CELF2: variants seen among roughly 807,000 people sequenced by gnomAD.
CELF2 encodes CUGBP Elav-like family member 2.
Under a neutral mutation model 62.6 loss-of-function variants are expected in CELF2, and 8 were observed. The observed-to-expected ratio is 0.13, with a 90% CI of 0.07 to 0.23. The LOEUF is 0.23. Ranked by LOEUF, CELF2 falls within the 10% of genes least tolerant of loss-of-function variation. The pLI, the probability that CELF2 is intolerant of heterozygous loss-of-function variation, is 1.00. For missense variants in CELF2, 333 were observed against 671.0 expected (o/e 0.50, Z 5.56); for synonymous variants, 258 against 250.0 (o/e 1.03, Z -0.30).
rs1482450383 is a variant in CELF2 at position 10,928,099 on chromosome 10, A to G, written c.89+8100A>G. ...AAGTTCTCCTTTCACCACCCTATTA[A>G]GTAACCCCCCAACACACTTCCTATC... On this transcript the variant is annotated intron_variant, in intron 2 of 13. Coordinates refer to the CELF2 transcript ENST00000636488. The surrounding 1 kb of genome is among the most constrained non-coding windows in gnomAD (Gnocchi z 4.8). Among the ~76,000 whole-genome samples the G allele has an allele frequency of 6.6e-6, 1 of 152,078 alleles. No homozygotes were observed. The highest frequency in any genetic ancestry group is 1.5e-5 in the Non-Finnish European group (1 of 68,022).
intron 2 of CELF2, among the ~76,000 whole-genome samples, chr10:10,969,154 G>A (rs2050480522): frequency 6.6e-6 from 1 of 152,196 alleles, no homozygotes. Flanking sequence ...CTACTCAGGA[G>A]GCTGAGGCAA....
At chr10:10,544,886 A>G in the CELF2 span, among the ~76,000 whole-genome samples, 1,560 of 152,334 alleles carry the variant, frequency 0.01, 19 homozygotes, top group African/African-American at 0.036. Context: ...TTGATATTCT[A>G]TAGGCAAAAT....
intron 8 of CELF2, among the ~76,000 whole-genome samples, chr10:11,278,647 A>G (rs1288653453): frequency 6.6e-6 from 1 of 152,240 alleles, no homozygotes; most frequent in Non-Finnish European, 1.5e-5. Context: ...TCCTTTTAAA[A>G]ATCATGCAGC....
At chr10:11,184,744 A>G (rs2074372554) in intron 2 of CELF2, among the ~76,000 whole-genome samples, 1 of 152,222 alleles carries the variant, frequency 6.6e-6, no homozygotes, top group African/African-American at 2.4e-5. Flanking sequence ...TGTATTGATT[A>G]TGTATCCTAC....
At position 11,335,816 on chromosome 10, in the gene CELF2, T is replaced by C. The variant is rs189965462; in HGVS notation, c.*6763T>C. On this transcript the variant is annotated 3_prime_UTR_variant, in exon 13 of 13. Coordinates refer to ENST00000633077, the MANE Select transcript of CELF2 (RefSeq NM_001326342.2). The surrounding 1 kb of genome is among the most constrained non-coding windows in gnomAD (Gnocchi z 5.0). ...CTATAAGTACATAGTTCCACCATTTTGGCACAAGACAAAATACTCATGCTA... is the reference window on the plus strand; with the variant it reads ...CTATAAGTACATAGTTCCACCATTTCGGCACAAGACAAAATACTCATGCTA... 6.6e-6 allele frequency: 1 copy of C among 152,350 alleles called. No individual in the cohort carries two copies. The highest frequency in any genetic ancestry group is 1.9e-4 in the East Asian group (1 of 5,192). The allele number at this position is 152,350 out of a possible 1,614,324, so 9.4% of individuals were successfully genotyped here. A position where few individuals can be genotyped will look rare whatever the true frequency, so the allele number is the denominator to read the frequency against.
intron 2 of CELF2, among the ~76,000 whole-genome samples, chr10:10,969,396 C>T (rs1176517320): frequency 6.6e-6 from 1 of 152,124 alleles, no homozygotes. Flanking sequence ...GAAGGGCTTC[C>T]AGTAGATGGA....
chr10:11,059,133 T>G (rs935326840), intron 1 of CELF2, among the ~76,000 whole-genome samples: 1 of 152,216 alleles, frequency 6.6e-6, no homozygotes, highest in Non-Finnish European at 1.5e-5. Context: ...AAACTGCTAC[T>G]TCAGCGCCCT....
the CELF2 span, among the ~76,000 whole-genome samples, chr10:10,518,444 T>G: frequency 6.6e-6 from 1 of 152,172 alleles, no homozygotes; most frequent in Non-Finnish European, 1.5e-5. Flanking sequence ...TGTGTGACCT[T>G]TAATAAGCTG....
the CELF2 span, among the ~76,000 whole-genome samples, chr10:10,701,279 CAGAA>C: frequency 6.6e-6 from 1 of 152,226 alleles, no homozygotes. Context: ...AACCCAAACA[CAGAA>C]AGAGATGCAA....
At chr10:11,140,564 A>G (rs933516898) in intron 1 of CELF2, among the ~76,000 whole-genome samples, 1 of 152,166 alleles carries the variant, frequency 6.6e-6, no homozygotes, top group Non-Finnish European at 1.5e-5. Context: ...TTTTATGAGC[A>G]TGTGAATTTT....
the CELF2 span, among the ~76,000 whole-genome samples, chr10:10,477,028 T>C: frequency 2.0e-5 from 3 of 152,216 alleles, no homozygotes; most frequent in Non-Finnish European, 4.4e-5. Context: ...AACTTAAAGA[T>C]ATTATTTCTT....
chr10:11,117,246 G>A lies in CELF2; in HGVS notation c.75-48240G>A, dbSNP rs1018821694. ...GTTGAATGCCAAATGTGTGGACTTAGAAGAACTGGCTTTGAATTCCGACAT... is the reference window on the plus strand; with the variant it reads ...GTTGAATGCCAAATGTGTGGACTTAAAAGAACTGGCTTTGAATTCCGACAT... On this transcript the variant is annotated intron_variant, in intron 1 of 12. Transcript: ENST00000633077. This position sits in a 1 kb window ranked among gnomAD's most constrained non-coding sequence, Gnocchi z 4.1. 2.0e-5 allele frequency among the ~76,000 whole-genome samples: 3 copies of A among 152,216 alleles called. No homozygotes were observed. Among genetic ancestry groups the A allele is most frequent in the African/African-American group, 7.2e-5 (3 of 41,452 alleles).
the CELF2 span, among the ~76,000 whole-genome samples, chr10:10,682,191 A>T: frequency 6.6e-6 from 1 of 152,200 alleles, no homozygotes; most frequent in African/African-American, 2.4e-5. Flanking sequence ...AGAAATCAAA[A>T]ATCAATTAAT....
chr10:10,841,477 T>C (rs749424997), intron 1 of CELF2, among the ~76,000 whole-genome samples: 2 of 151,990 alleles, frequency 1.3e-5, no homozygotes, highest in Non-Finnish European at 2.9e-5. Flanking sequence ...TTTATATAGA[T>C]GGATATCCAG....
intron 1 of CELF2, among the ~76,000 whole-genome samples, chr10:11,129,359 C>T (rs1161374329): frequency 2.6e-5 from 4 of 152,114 alleles, no homozygotes; most frequent in East Asian, 1.9e-4. Context: ...TGTGTCTCTG[C>T]CAGGCTTTGG....
chr10:10,738,321 A>G, the CELF2 span, among the ~76,000 whole-genome samples: 1 of 152,216 alleles, frequency 6.6e-6, no homozygotes, highest in Non-Finnish European at 1.5e-5. Flanking sequence ...TAGCCATTAA[A>G]ATAGTGTCTT....
At chr10:10,831,580 A>T (rs572706187) in intron 1 of CELF2, among the ~76,000 whole-genome samples, 15 of 152,320 alleles carry the variant, frequency 9.8e-5, no homozygotes, top group Non-Finnish European at 1.8e-4. Context: ...CCTGACATCA[A>T]CTTGCAGCCT....
chr10:10,468,916 C>A, the CELF2 span, among the ~76,000 whole-genome samples: 1 of 151,860 alleles, frequency 6.6e-6, no homozygotes, highest in Non-Finnish European at 1.5e-5. Flanking sequence ...CTAGTAGGGG[C>A]TCTTTTCAAA....
chr10:11,208,526 G>C lies in CELF2; in HGVS notation c.272-8899G>C, dbSNP rs147333788. Among the ~76,000 whole-genome samples, 276 of 152,328 alleles carry C rather than the reference G, an allele frequency of 1.8e-3. 1 individual carries two copies. The highest frequency in any genetic ancestry group is 6.0e-3 in the African/African-American group (250 of 41,574). On this transcript the variant is annotated intron_variant, in intron 2 of 12. Coordinates refer to ENST00000633077, the MANE Select transcript of CELF2 (RefSeq NM_001326342.2). ...CAGGGACACTCGGCAAGGCCTGCCT[G>C]TCCGCATTCTCCCTGGCCTCTCTGA...
Sources: gnomAD v4.1 joint callset for allele counts (sites outside exome capture counted in the v4.1 genomes callset) on GRCh38, gnomAD v4.1.1 for gene constraint, Gnocchi (gnomAD v3.1) non-coding constraint, MANE v1.5 for transcripts, NCBI Gene and HGNC (gene_info 2026-07-23, HGNC 2026-07-21) for gene names.